The following PTPRN2 variants were observed in gnomAD, a reference collection of about 807,000 sequenced individuals.
PTPRN2 encodes the protein protein tyrosine phosphatase receptor type N2.
A neutral mutation model predicts 118.8 loss-of-function variants in PTPRN2; 74 were observed. The ratio of observed to expected loss-of-function variants is 0.62; its 90% CI spans 0.52 to 0.76. PTPRN2 has a LOEUF of 0.76. Ranked by LOEUF, PTPRN2 falls within the 30% of genes least tolerant of loss-of-function variation. The probability of loss-of-function intolerance (pLI) is 0.00; values close to 1 mark genes in which losing one functional copy is unlikely to be tolerated. For synonymous variants in PTPRN2, 641 were observed against 608.0 expected (o/e 1.05, Z -0.80); for missense variants, 1,481 against 1,394.4 (o/e 1.06, Z -0.99).
intron 12 of PTPRN2, among the ~76,000 whole-genome samples, chr7:157,889,475 G>A (rs769112468): frequency 6.6e-6 from 1 of 152,208 alleles, no homozygotes; most frequent in Non-Finnish European, 1.5e-5. Context: ...CCCATTCACG[G>A]AGTGCCTCTG....
At chr7:157,597,204 A>C (rs1563247386) in intron 16 of PTPRN2, among the ~76,000 whole-genome samples, 1 of 152,182 alleles carries the variant, frequency 6.6e-6, no homozygotes, top group Admixed American at 6.5e-5. Flanking sequence ...GCAGGGAGAA[A>C]AGCTTTTTGT....
At chr7:158,442,851 T>C (rs923603371) in intron 2 of PTPRN2, among the ~76,000 whole-genome samples, 1 of 152,178 alleles carries the variant, frequency 6.6e-6, no homozygotes, top group Admixed American at 6.5e-5. Context: ...CACGTTTCCA[T>C]TTTTGGAGAA....
At chr7:158,482,067 A>G (rs1011257857) in intron 2 of PTPRN2, among the ~76,000 whole-genome samples, 1 of 152,196 alleles carries the variant, frequency 6.6e-6, no homozygotes, top group Non-Finnish European at 1.5e-5. Flanking sequence ...TGAAGATGTG[A>G]CCAAATTGCC....
chr7:158,157,726 C>T (rs949647533), intron 6 of PTPRN2, among the ~76,000 whole-genome samples: 12 of 151,872 alleles, frequency 7.9e-5, no homozygotes, highest in South Asian at 2.1e-4. Flanking sequence ...ACCCTGTTCC[C>T]GCTATATAAG....
At chr7:158,252,680 C>T (rs546345106) in intron 3 of PTPRN2, among the ~76,000 whole-genome samples, 2 of 152,204 alleles carry the variant, frequency 1.3e-5, no homozygotes, top group Admixed American at 6.5e-5. Flanking sequence ...GACAGGCACC[C>T]CAGTGCTGAA....
Position 157,627,959 on chromosome 7 carries a change from A to G in PTPRN2, c.2197-6450T>C, listed in dbSNP as rs571558870. On this transcript the variant is annotated intron_variant, in intron 14 of 22. Coordinates refer to ENST00000389418, the MANE Select transcript of PTPRN2 (RefSeq NM_002847.5). The surrounding 1 kb of genome is among the most constrained non-coding windows in gnomAD (Gnocchi z 4.2). ...CTACTTTGTTAGAGATATGAACTCA[A>G]TCTAAGGTTTCCCCTGTCATCCTTC... Among the ~76,000 whole-genome samples, 3 of 152,304 alleles carry G rather than the reference A, an allele frequency of 2.0e-5. No individual in the cohort carries two copies. The highest frequency in any genetic ancestry group is 3.9e-4 in the East Asian group (2 of 5,194).
At chr7:157,597,792 C>T (rs1801431108) in intron 16 of PTPRN2, among the ~76,000 whole-genome samples, 1 of 152,192 alleles carries the variant, frequency 6.6e-6, no homozygotes, top group Non-Finnish European at 1.5e-5. Context: ...CCGGCCTCAC[C>T]TCCCTCCCGC....
At chr7:158,182,217 G>C (rs1824773787) in intron 5 of PTPRN2, among the ~76,000 whole-genome samples, 1 of 152,108 alleles carries the variant, frequency 6.6e-6, no homozygotes, top group Admixed American at 6.5e-5. Context: ...TATTTGTGTA[G>C]TTTAAAAAAT....
At chr7:157,878,387 C>T (rs113989065) in intron 12 of PTPRN2, among the ~76,000 whole-genome samples, 3 of 147,148 alleles carry the variant, frequency 2.0e-5, no homozygotes, top group South Asian at 2.2e-4. Context: ...GAGAAGCTCT[C>T]GGATTCCGTG....
chr7:157,972,583 C>G (rs1195310971), intron 11 of PTPRN2, among the ~76,000 whole-genome samples: 1 of 21,366 alleles, frequency 4.7e-5, no homozygotes, highest in Admixed American at 3.9e-4. Context: ...TCAGAGACCA[C>G]GGGAACTCCA....
In PTPRN2 at chr7:158,554,090, C is replaced by T. The variant is rs114981014; in HGVS notation, c.112+33468G>A. Among the ~76,000 whole-genome samples the T allele has an allele frequency of 7.6e-3, 1,165 of 152,310 alleles. 19 individuals carry two copies. Among genetic ancestry groups the T allele is most frequent in the African/African-American group, 0.026 (1,072 of 41,582 alleles). ...GAGTCTACAGAACCTTCCTTATATA[C>T]CCCATCTCTTCTAAAAATACAAAAA... On this transcript the variant is annotated intron_variant, in intron 1 of 22. Coordinates refer to ENST00000389418, the MANE Select transcript of PTPRN2 (RefSeq NM_002847.5).
intron 8 of PTPRN2, among the ~76,000 whole-genome samples, chr7:158,136,177 C>T (rs568449541): frequency 5.3e-5 from 8 of 152,288 alleles, no homozygotes; most frequent in East Asian, 3.9e-4. Flanking sequence ...GAACCCAGTG[C>T]GGCCAAGGCA....
intron 11 of PTPRN2, among the ~76,000 whole-genome samples, chr7:157,957,316 G>T (rs182975005): frequency 6.6e-6 from 1 of 152,228 alleles, no homozygotes; most frequent in African/African-American, 2.4e-5. Flanking sequence ...CGTATTTTTG[G>T]CATCTAGGAC....
chr7:158,523,127 G>A (rs1586862420), intron 1 of PTPRN2, among the ~76,000 whole-genome samples: 1 of 152,276 alleles, frequency 6.6e-6, no homozygotes, highest in East Asian at 1.9e-4. Context: ...GCCAGGGTGT[G>A]ACTCTTGGGG....
chr7:158,234,687 A>C (rs1829414641), intron 3 of PTPRN2, among the ~76,000 whole-genome samples: 1 of 152,264 alleles, frequency 6.6e-6, no homozygotes, highest in Non-Finnish European at 1.5e-5. Context: ...AAAAACTTAC[A>C]AATGGCCAAC....
rs564473398 is a variant in PTPRN2 at position 157,787,996 on chromosome 7, C to T, written c.1789-105059G>A. Among the ~76,000 whole-genome samples the T allele has an allele frequency of 4.6e-5, 7 of 152,288 alleles. No individual in the cohort carries two copies. Among genetic ancestry groups the T allele is most frequent in the Admixed American group, 3.9e-4 (6 of 15,300 alleles). ...AACCACGCAGCCGGGGCCTGGAGGC[C>T]GACACAAGCCAGACCCAGCCTCTCT... On this transcript the variant is annotated intron_variant, in intron 12 of 22. Coordinates refer to ENST00000389418, the MANE Select transcript of PTPRN2 (RefSeq NM_002847.5). This position sits in a 1 kb window ranked among gnomAD's most constrained non-coding sequence, Gnocchi z 5.3.
rs545978924 is a variant in PTPRN2, at chr7:157,591,809, G to C, written c.2496+3429C>G. 6.6e-5 allele frequency among the ~76,000 whole-genome samples: 10 copies of C among 152,328 alleles called. No homozygotes were observed. The highest frequency in any genetic ancestry group is 3.4e-3 in the Middle Eastern group (1 of 294). On this transcript the variant is annotated intron_variant, in intron 17 of 22. Coordinates refer to ENST00000389418, the MANE Select transcript of PTPRN2 (RefSeq NM_002847.5). The surrounding 1 kb of genome is among the most constrained non-coding windows in gnomAD (Gnocchi z 4.4). ...CTGCTCTGTGTGGATTTATGGCATC[G>C]ATGGTGGGCAGCTCCTGTGTTCTGC... is the stretch of plus-strand genomic sequence containing the variant.
intron 1 of PTPRN2, among the ~76,000 whole-genome samples, chr7:158,523,645 G>GTCC (rs1483157689): frequency 7.9e-6 from 1 of 127,076 alleles, no homozygotes; most frequent in African/African-American, 3.1e-5. Flanking sequence ...CTGGAGCGGA[G>GTCC]TCTGCCCTGG....
At position 158,557,073 on chromosome 7, in the gene PTPRN2, C is replaced by T. The variant is rs570244779; in HGVS notation, c.112+30485G>A. 6.3e-5 allele frequency among the ~76,000 whole-genome samples: 8 copies of T among 126,898 alleles called. No homozygotes were observed. The South Asian group carries it at 1.9e-3, about 30-fold the overall frequency. The allele number at this position is 126,898 out of a possible 152,430, so 83.3% of individuals were successfully genotyped here. A position where few individuals can be genotyped will look rare whatever the true frequency, so the allele number is the denominator to read the frequency against. On this transcript the variant is annotated intron_variant, in intron 1 of 22. Transcript: ENST00000389418. ...GTCACTCCCAGGCAGGTGGCTCCCGCGCAGGTCAGGCGGCTCCTGTGCAGG... is the reference window on the plus strand; with the variant it reads ...GTCACTCCCAGGCAGGTGGCTCCCGTGCAGGTCAGGCGGCTCCTGTGCAGG...
Sources: allele counts gnomAD v4.1 joint callset (sites outside exome capture counted in the v4.1 genomes callset), GRCh38; gene constraint gnomAD v4.1.1; non-coding constraint Gnocchi (gnomAD v3.1); transcripts MANE v1.5; gene names NCBI Gene and HGNC (gene_info 2026-07-23, HGNC 2026-07-21).